Variants in PTPN2 observed in about 807,000 individuals in gnomAD.
The protein encoded by PTPN2 is tyrosine-protein phosphatase non-receptor type 2.
A neutral mutation model predicts 57.3 loss-of-function variants in PTPN2; 19 were observed. The observed-to-expected ratio is 0.33, with a 90% CI of 0.23 to 0.49. The LOEUF is 0.49. Ranked by LOEUF, PTPN2 falls within the 20% of genes least tolerant of loss-of-function variation. The pLI is 0.99. For missense variants in PTPN2, 358 were observed against 501.1 expected, an observed-to-expected ratio of 0.71 and a Z score of 2.73; for synonymous variants, 153 against 164.9, an observed-to-expected ratio of 0.93 and a Z score of 0.55.
At chr18:12,845,828 A>T (rs1462077544) in intron 2 of PTPN2, among the ~76,000 whole-genome samples, 2 of 152,202 alleles carry the variant, frequency 1.3e-5, no homozygotes, top group Non-Finnish European at 2.9e-5. Context: ...ATACCTGATT[A>T]TTCCATTTTT....
chr18:12,789,705 T>A (rs1336242070), downstream of PTPN2, among the ~76,000 whole-genome samples: 1 of 152,162 alleles, frequency 6.6e-6, no homozygotes, highest in African/African-American at 2.4e-5. Flanking sequence ...AAACCAATGT[T>A]TATAGAACTG....
intron 1 of PTPN2, among the ~76,000 whole-genome samples, chr18:12,871,464 G>A (rs552482800): frequency 2.0e-5 from 3 of 152,004 alleles, no homozygotes; most frequent in Non-Finnish European, 4.4e-5. Context: ...CTGTATTTCC[G>A]CTCTCTTTTT....
At chr18:12,805,686 TG>T (rs2041622999) in intron 7 of PTPN2, among the ~76,000 whole-genome samples, 1 of 149,204 alleles carries the variant, frequency 6.7e-6, no homozygotes, top group Non-Finnish European at 1.5e-5. Context: ...GTCACCAGGC[TG>T]GAGTGCAGTG....
chr18:12,842,197 C>A (rs1362769070), intron 2 of PTPN2, among the ~76,000 whole-genome samples: 1 of 152,114 alleles, frequency 6.6e-6, no homozygotes, highest in African/African-American at 2.4e-5. Flanking sequence ...TGAGCCACGG[C>A]GCTCAGCAGT....
intron 7 of PTPN2, among the ~76,000 whole-genome samples, chr18:12,807,586 A>AAAAAAAATATAT: frequency 8.5e-5 from 3 of 35,200 alleles, no homozygotes; most frequent in Non-Finnish European, 1.8e-4. Flanking sequence ...AAAAAAAAAA[A>AAAAAAAATATAT]ATATATATAT....
chr18:12,875,853 G>A (rs1037961515), intron 1 of PTPN2, among the ~76,000 whole-genome samples: 3 of 152,188 alleles, frequency 2.0e-5, no homozygotes, highest in African/African-American at 4.8e-5. Context: ...TGAGAGAGCT[G>A]TAACAGTTCT....
chr18:12,805,721 C>T (rs2041624095), intron 7 of PTPN2, among the ~76,000 whole-genome samples: 2 of 151,034 alleles, frequency 1.3e-5, no homozygotes, highest in Non-Finnish European at 1.5e-5. Flanking sequence ...CCTCTGCCTC[C>T]CAGGTTCAAG....
At chr18:12,839,776 G>A (rs112311928) in intron 2 of PTPN2, among the ~76,000 whole-genome samples, 50 of 152,006 alleles carry the variant, frequency 3.3e-4, no homozygotes, top group African/African-American at 1.2e-3. Context: ...TTTATAACTT[G>A]GATTAAAATT....
At chr18:12,789,319 C>A (rs1205080078), downstream of PTPN2, among the ~76,000 whole-genome samples, 1 of 152,168 alleles carries the variant, frequency 6.6e-6, no homozygotes, top group Non-Finnish European at 1.5e-5. Context: ...AACAAATGAA[C>A]TGGGGAGAAG....
chr18:12,791,984 C>T (rs2040996982), downstream of PTPN2, among the ~76,000 whole-genome samples: 1 of 152,134 alleles, frequency 6.6e-6, no homozygotes, highest in African/African-American at 2.4e-5. Flanking sequence ...CAAAGACAAA[C>T]CAATGCAAAC....
At chr18:12,820,219 T>C (rs1016478379) in intron 5 of PTPN2, among the ~76,000 whole-genome samples, 3 of 152,160 alleles carry the variant, frequency 2.0e-5, no homozygotes, top group Admixed American at 2.0e-4. Flanking sequence ...TATAATATAG[T>C]CTTCCCCACT....
chr18:12,830,423 G>A (rs943935442), intron 4 of PTPN2, among the ~76,000 whole-genome samples: 2 of 152,140 alleles, frequency 1.3e-5, no homozygotes, highest in African/African-American at 2.4e-5. Context: ...TTGAGGCACC[G>A]TGCCTGGCCT....
chr18:12,864,403 T>A (rs534697898), intron 1 of PTPN2, among the ~76,000 whole-genome samples: 1 of 144,792 alleles, frequency 6.9e-6, no homozygotes, highest in South Asian at 2.2e-4. Flanking sequence ...CCTACTTTCC[T>A]TTTTTTTTTT....
chr18:12,840,596 G>A lies in PTPN2; in HGVS notation c.161-3705C>T, dbSNP rs910269119. The A allele has an allele frequency of 5.4e-5, 62 of 1,155,138 alleles. No individual in the cohort carries two copies. The Admixed American group carries it at 1.1e-3, about 21-fold the overall frequency. The allele number at this position is 1,155,138 out of a possible 1,614,324, so 71.6% of individuals were successfully genotyped here. On this transcript the variant is annotated intron_variant, in intron 2 of 8. Transcript: ENST00000309660. ...CTCTCAGTCCTCACAGCCCTATGAA[G>A]TGCATATGAATATGGATCACACCCA...
At position 12,792,592 on chromosome 18, in the gene PTPN2, T is replaced by G. The variant is rs987141361; in HGVS notation, c.*1686A>C. 1 of 152,170 alleles carries G rather than the reference T, an allele frequency of 6.6e-6. No homozygotes were observed. Among genetic ancestry groups the G allele is most frequent in the Admixed American group, 6.6e-5 (1 of 15,214 alleles). The allele number at this position is 152,170 out of a possible 1,614,324, so 9.4% of individuals were successfully genotyped here. A position where few individuals can be genotyped will look rare whatever the true frequency, so the allele number is the denominator to read the frequency against. ...CACCACACCCGGCCCAAACTGTTTT[T>G]TTTGTTTGTTTCTTTTGAGATGGAG... On this transcript the variant is annotated 3_prime_UTR_variant, in exon 9 of 9. Coordinates refer to ENST00000309660, the MANE Select transcript of PTPN2 (RefSeq NM_002828.4).
In PTPN2 at chr18:12,831,895, C is replaced by G. The variant is rs183362231; in HGVS notation, c.262-854G>C. Among the ~76,000 whole-genome samples the G allele has an allele frequency of 4.8e-4, 73 of 152,214 alleles. 1 individual carries two copies. The highest frequency in any genetic ancestry group is 1.6e-3 in the African/African-American group (65 of 41,518). ...TGATAGCATAGGGCAAAAGGAAGAT[C>G]TAATAAGAGATGAAAAGCCTATGTA... On this transcript the variant is annotated intron_variant, in intron 3 of 8. Coordinates refer to ENST00000309660, the MANE Select transcript of PTPN2 (RefSeq NM_002828.4).
chr18:12,814,325 G>T lies in PTPN2; in HGVS notation c.736C>A (p.Gln246Lys). Reference protein sequence around the residue: ...MEKGDDINIKQVLLNMRKYRM... With the variant: ...MEKGDDINIKKVLLNMRKYRM... ...TATTTTCTCATGTTCAGTAACACTT[G>T]TTTTATGTTAATATCATCTCCTTTT... Residue 246 changes from glutamine to lysine, a missense_variant, in exon 7 of 9, where the codon CAA becomes AAA. Around this residue, in one of 4 missense-constraint regions of PTPN2, gnomAD observed 193 missense variants for 315.4 expected, o/e 0.61. Transcript: ENST00000309660. 6.2e-7 allele frequency: 1 copy of T among 1,602,758 alleles called. No individual in the cohort carries two copies. The highest frequency in any genetic ancestry group is 8.5e-7 in the Non-Finnish European group (1 of 1,176,866).
chr18:12,873,897 G>A lies in PTPN2; in HGVS notation c.69+10176C>T, dbSNP rs1198210987. ...GAGATGTGGGGAGTGCCTTTGCCCCGCCGCCCCGTCTGGGATGTGAGGAGC... is the reference window on the plus strand; with the variant it reads ...GAGATGTGGGGAGTGCCTTTGCCCCACCGCCCCGTCTGGGATGTGAGGAGC... On this transcript the variant is annotated intron_variant, in intron 1 of 8. Transcript: ENST00000309660. Among the ~76,000 whole-genome samples, 7 of 151,412 alleles carry A rather than the reference G, an allele frequency of 4.6e-5. No individual in the cohort carries two copies. In the South Asian group the frequency reaches 1.0e-3, roughly 23 times the overall value.
At chr18:12,870,264 T>TATATATATGTATATATATACATATAC (rs1254602148) in intron 1 of PTPN2, among the ~76,000 whole-genome samples, 4 of 96,678 alleles carry the variant, frequency 4.1e-5, no homozygotes, top group Admixed American at 1.1e-4. Context: ...TTAGCATATA[T>TATATATATGTATATATATACATATAC]ATATATATGT....
Sources: allele counts gnomAD v4.1 joint callset (sites outside exome capture counted in the v4.1 genomes callset), GRCh38; gene constraint gnomAD v4.1.1; regional missense constraint gnomAD v4.1.1; transcripts MANE v1.5; gene names NCBI Gene and HGNC (gene_info 2026-07-23, HGNC 2026-07-21).